The following COX10 variants were observed in gnomAD, a reference collection of about 807,000 sequenced individuals.
COX10 encodes protoheme IX farnesyltransferase, mitochondrial.
A neutral mutation model predicts 37.3 loss-of-function variants in COX10; 27 were observed. That is an observed-to-expected ratio of 0.72 (90% CI 0.53 to 1.00). The LOEUF is 1.00. COX10 is among the 50% of genes least tolerant of loss of function. COX10 has a pLI of 0.00. For missense variants in COX10, 475 were observed against 563.2 expected, an observed-to-expected ratio of 0.84 and a Z score of 1.59; for synonymous variants, 222 against 229.1, an observed-to-expected ratio of 0.97 and a Z score of 0.28.
Position 14,076,770 on chromosome 17 carries a change from A to G in COX10, c.213A>G (p.Gln71=), listed in dbSNP as rs776278759. 6.2e-7 allele frequency: 1 copy of G among 1,614,212 alleles called. No individual in the cohort carries two copies. The highest frequency in any genetic ancestry group is 1.1e-5 in the South Asian group (1 of 91,084). ...AGCTGAACAGAAGCCACAACCAGCA[A>G]GTAAGACCCAAGCCAGAACCAGTAG... is the stretch of plus-strand genomic sequence containing the variant. ...VTQLNRSHNQ[Q]VRPKPEPVAS... Residue 71 remains glutamine, a synonymous_variant, in exon 3 of 7, where the codon CAA becomes CAG. Coordinates refer to ENST00000261643, the MANE Select transcript of COX10 (RefSeq NM_001303.4).
chr17:14,180,233 A>G, intron 5 of COX10, among the ~76,000 whole-genome samples: 1 of 152,082 alleles, frequency 6.6e-6, no homozygotes, highest in East Asian at 1.9e-4. Flanking sequence ...TGGTGTGTAT[A>G]TATTGCTAAT....
intron 5 of COX10, among the ~76,000 whole-genome samples, chr17:14,172,447 C>A (rs1257936517): frequency 6.6e-6 from 1 of 152,012 alleles, no homozygotes; most frequent in Non-Finnish European, 1.5e-5. Context: ...TTTATAATAA[C>A]AATAGCTCTT....
At chr17:14,142,244 G>A (rs1904568371) in intron 4 of COX10, among the ~76,000 whole-genome samples, 2 of 152,248 alleles carry the variant, frequency 1.3e-5, no homozygotes, top group African/African-American at 2.4e-5. Context: ...ATATTTGTCA[G>A]AAAACTAGAT....
chr17:14,159,814 A>G, intron 4 of COX10, 63 bp from the exon 5 acceptor site: 8 of 1,292,396 alleles, frequency 6.2e-6, no homozygotes, highest in Non-Finnish European at 8.8e-6. Context: ...GTTCAGTACT[A>G]AAGCGGAAGA....
intron 3 of COX10, among the ~76,000 whole-genome samples, chr17:14,101,191 G>A (rs1479615437): frequency 6.6e-6 from 1 of 152,188 alleles, no homozygotes; most frequent in East Asian, 1.9e-4. Flanking sequence ...GTTTTTGGTT[G>A]AAGAATCTAG....
intron 5 of COX10, among the ~76,000 whole-genome samples, chr17:14,165,799 G>A (rs1410831222): frequency 6.6e-6 from 1 of 152,214 alleles, no homozygotes; most frequent in Non-Finnish European, 1.5e-5. Context: ...GATTAAAAGT[G>A]CTACTTCAGT....
chr17:14,204,493 G>A (rs571809690), intron 6 of COX10, among the ~76,000 whole-genome samples: 2 of 151,550 alleles, frequency 1.3e-5, no homozygotes, highest in African/African-American at 4.9e-5. Flanking sequence ...TACACTGCAC[G>A]CACATCCTGT....
At chr17:14,173,319 G>C (rs1385738880) in intron 5 of COX10, among the ~76,000 whole-genome samples, 1 of 152,232 alleles carries the variant, frequency 6.6e-6, no homozygotes, top group Non-Finnish European at 1.5e-5. Context: ...AGATACCAAA[G>C]AAGGAATACA....
At chr17:14,196,501 G>A (rs1425678379) in intron 6 of COX10, among the ~76,000 whole-genome samples, 1 of 152,166 alleles carries the variant, frequency 6.6e-6, no homozygotes, top group Non-Finnish European at 1.5e-5. Context: ...AGCCAGTCTA[G>A]AGTGGGGTGG....
intron 3 of COX10, among the ~76,000 whole-genome samples, chr17:14,100,351 CAGGGGT>C (rs1915749103): frequency 6.6e-6 from 1 of 152,154 alleles, no homozygotes; most frequent in East Asian, 1.9e-4. Flanking sequence ...ACTACACAGA[CAGGGGT>C]CCTACCTTCA....
chr17:14,155,329 T>TAA (rs11315138), intron 4 of COX10, among the ~76,000 whole-genome samples: 1 of 144,742 alleles, frequency 6.9e-6, no homozygotes, highest in African/African-American at 2.6e-5. Flanking sequence ...AACATCTACA[T>TAA]AAAAAAAAAA....
At chr17:14,150,997 C>G (rs1229715691) in intron 4 of COX10, among the ~76,000 whole-genome samples, 4 of 152,090 alleles carry the variant, frequency 2.6e-5, no homozygotes, top group Non-Finnish European at 5.9e-5. Flanking sequence ...TTTTACTTCA[C>G]TGCTTCAGAA....
intron 4 of COX10, among the ~76,000 whole-genome samples, chr17:14,131,013 C>T (rs777634161): frequency 6.6e-6 from 1 of 152,168 alleles, no homozygotes; most frequent in Non-Finnish European, 1.5e-5. Context: ...TAGTTCACCA[C>T]TATTCCTAGC....
At chr17:14,184,120 C>T (rs1291232828) in intron 5 of COX10, among the ~76,000 whole-genome samples, 2 of 152,164 alleles carry the variant, frequency 1.3e-5, no homozygotes, top group Non-Finnish European at 2.9e-5. Flanking sequence ...ATAATTTGCT[C>T]ACGATCACAC....
chr17:14,148,539 G>C (rs927029757), intron 4 of COX10, among the ~76,000 whole-genome samples: 2 of 152,186 alleles, frequency 1.3e-5, no homozygotes, highest in South Asian at 4.1e-4. Flanking sequence ...ACAGCGTTGA[G>C]AAGATGGATG....
intron 3 of COX10, among the ~76,000 whole-genome samples, chr17:14,101,158 A>T (rs1915769665): frequency 6.6e-6 from 1 of 152,182 alleles, no homozygotes; most frequent in Non-Finnish European, 1.5e-5. Flanking sequence ...GTGACAAAGG[A>T]GATAATCAAA....
intron 4 of COX10, among the ~76,000 whole-genome samples, chr17:14,147,552 A>T (rs927888503): frequency 1.3e-5 from 2 of 152,122 alleles, no homozygotes; most frequent in African/African-American, 4.8e-5. Context: ...AATAGGATGA[A>T]TGAATAAGAC....
rs897621430 is a variant in COX10, at chr17:14,115,472, A to T, written c.624+13230A>T. On this transcript the variant is annotated intron_variant, in intron 4 of 6. Coordinates refer to ENST00000261643, the MANE Select transcript of COX10 (RefSeq NM_001303.4). ...CATCTTTGTGGAAAATAATATGGAG[A>T]TCTCTCAAAGAACTAAAAATAGAAA... Among the ~76,000 whole-genome samples the T allele has an allele frequency of 2.6e-5, 4 of 152,116 alleles. No individual in the cohort carries two copies. The South Asian group carries it at 8.3e-4, about 31-fold the overall frequency.
At chr17:14,188,653 C>T (rs1906111202) in intron 5 of COX10, among the ~76,000 whole-genome samples, 1 of 152,020 alleles carries the variant, frequency 6.6e-6, no homozygotes, top group South Asian at 2.1e-4. Flanking sequence ...CCTTTAAAGA[C>T]TTTTTAAGAT....
Sources: allele counts gnomAD v4.1 joint callset (sites outside exome capture counted in the v4.1 genomes callset), GRCh38; gene constraint gnomAD v4.1.1; transcripts MANE v1.5; gene names NCBI Gene and HGNC (gene_info 2026-07-23, HGNC 2026-07-21).